ADAMTSL1: variants seen among roughly 807,000 people sequenced by gnomAD.
ADAMTSL1 encodes ADAMTS like 1.
Under a neutral mutation model 201.8 loss-of-function variants are expected in ADAMTSL1, and 126 were observed. The ratio of observed to expected loss-of-function variants is 0.62; its 90% confidence interval spans 0.54 to 0.72. ADAMTSL1 has a LOEUF of 0.72. ADAMTSL1 is among the 30% of genes least tolerant of loss of function. ADAMTSL1 has a pLI of 0.00. For synonymous variants in ADAMTSL1, 1,121 were observed against 903.4 expected, an observed-to-expected ratio of 1.24 and a Z score of -4.32; for missense variants, 2,679 against 2,277.8, an observed-to-expected ratio of 1.18 and a Z score of -3.59.
intron 16 of ADAMTSL1, among the ~76,000 whole-genome samples, chr9:18,763,837 G>T (rs938744741): frequency 4.6e-5 from 7 of 152,040 alleles, no homozygotes; most frequent in Non-Finnish European, 7.4e-5. Context: ...CTATTCCATT[G>T]GTCTATATGT....
intron 1 of ADAMTSL1, among the ~76,000 whole-genome samples, chr9:18,158,560 C>A (rs1372868619): frequency 1.3e-5 from 2 of 151,980 alleles, no homozygotes; most frequent in African/African-American, 2.4e-5. Context: ...AAAACAGGGA[C>A]CCTTGTTTAT....
At chr9:18,861,761 A>G (rs1056955082) in intron 23 of ADAMTSL1, among the ~76,000 whole-genome samples, 1 of 152,136 alleles carries the variant, frequency 6.6e-6, no homozygotes, top group African/African-American at 2.4e-5. Flanking sequence ...AAGGCCAGAC[A>G]TCACTTGCCA....
chr9:17,969,834 G>A (rs1818135999), intron 1 of ADAMTSL1, among the ~76,000 whole-genome samples: 1 of 151,902 alleles, frequency 6.6e-6, no homozygotes, highest in Non-Finnish European at 1.5e-5. Context: ...TTTTATAAAG[G>A]TAACAGTTAC....
intron 2 of ADAMTSL1, among the ~76,000 whole-genome samples, chr9:18,348,809 T>C (rs1239582889): frequency 2.0e-5 from 3 of 152,172 alleles, no homozygotes; most frequent in East Asian, 1.9e-4. Context: ...ATTTTTAATT[T>C]AACTGCCATA....
chr9:18,497,083 T>C lies in ADAMTSL1; in HGVS notation c.64-7746T>C, dbSNP rs549131724. On this transcript the variant is annotated intron_variant, in intron 1 of 28. Coordinates refer to ENST00000380548, the MANE Select transcript of ADAMTSL1 (RefSeq NM_001040272.6). ...CCTACATATTATTTTCCACTGGAGA[T>C]TGGTTTTCTAAGTATAGGAAAAAGA... Among the ~76,000 whole-genome samples the C allele has an allele frequency of 4.6e-5, 7 of 152,276 alleles. No individual in the cohort carries two copies. In the South Asian group the frequency reaches 1.0e-3, roughly 23 times the overall value.
chr9:18,627,334 G>GTTT (rs1260578162), intron 5 of ADAMTSL1, among the ~76,000 whole-genome samples: 1 of 152,038 alleles, frequency 6.6e-6, no homozygotes, highest in Non-Finnish European at 1.5e-5. Context: ...TTTCATACTT[G>GTTT]TTTTTATTTG....
At chr9:18,111,765 A>G (rs1236969851) in intron 1 of ADAMTSL1, among the ~76,000 whole-genome samples, 2 of 152,166 alleles carry the variant, frequency 1.3e-5, no homozygotes, top group African/African-American at 4.8e-5. Flanking sequence ...CACGGTTTTC[A>G]TAAAGCTATG....
intron 2 of ADAMTSL1, among the ~76,000 whole-genome samples, chr9:18,419,554 C>A (rs1245568775): frequency 6.6e-6 from 1 of 151,996 alleles, no homozygotes; most frequent in Non-Finnish European, 1.5e-5. Context: ...AGATACCATT[C>A]AACAGAGGAA....
At chr9:17,933,909 A>G (rs1177956762) in intron 1 of ADAMTSL1, among the ~76,000 whole-genome samples, 2 of 151,934 alleles carry the variant, frequency 1.3e-5, no homozygotes, top group Non-Finnish European at 2.9e-5. Flanking sequence ...TCAACACTCA[A>G]CCTCAAAGAT....
At position 18,770,749 on chromosome 9, in the gene ADAMTSL1, C is replaced by G. The variant is rs1365993926; in HGVS notation, c.2365C>G (p.Pro789Ala). The change falls in exon 17 of 29, where the codon CCC becomes GCC. Residue 789 changes from proline to alanine, a missense_variant. Transcript: ENST00000380548. The stretch of plus-strand genomic sequence containing the variant: ...GCAAGCATGCAAGAAAGATGACTGT[C>G]CCAGCGAGTGGCTTCTCTCAGACTG... ...CQQACKKDDC[P>A]SEWLLSDWTE... is the part of the protein sequence containing the mutation. 2.1e-5 allele frequency: 34 copies of G among 1,613,718 alleles called. No individual in the cohort carries two copies. Among genetic ancestry groups the G allele is most frequent in the Non-Finnish European group, 2.9e-5 (34 of 1,179,866 alleles).
intron 23 of ADAMTSL1, among the ~76,000 whole-genome samples, chr9:18,871,645 C>G (rs375069811): frequency 1.3e-5 from 2 of 152,184 alleles, no homozygotes; most frequent in African/African-American, 2.4e-5. Context: ...TTTCCATCCA[C>G]AGGGGTGGTG....
chr9:18,245,165 A>T (rs777255865), intron 2 of ADAMTSL1, among the ~76,000 whole-genome samples: 1 of 152,160 alleles, frequency 6.6e-6, no homozygotes, highest in South Asian at 2.1e-4. Context: ...AATCCAAAAC[A>T]TTACTAAGAG....
At chr9:17,982,062 C>T (rs113209822) in intron 1 of ADAMTSL1, among the ~76,000 whole-genome samples, 5 of 152,200 alleles carry the variant, frequency 3.3e-5, no homozygotes, top group Non-Finnish European at 7.3e-5. Context: ...ATAAATCACA[C>T]TACTTGCTTA....
At chr9:18,186,193 A>G in intron 2 of ADAMTSL1, among the ~76,000 whole-genome samples, 1 of 152,182 alleles carries the variant, frequency 6.6e-6, no homozygotes, top group East Asian at 1.9e-4. Flanking sequence ...GTTGTGGACC[A>G]TAGGCTGGTT....
intron 15 of ADAMTSL1, among the ~76,000 whole-genome samples, chr9:18,724,894 G>T (rs1326877286): frequency 7.4e-6 from 1 of 134,340 alleles, no homozygotes; most frequent in African/African-American, 2.7e-5. Context: ...AACATAAATA[G>T]CCTCAGGATT....
intron 2 of ADAMTSL1, among the ~76,000 whole-genome samples, chr9:18,436,748 G>A (rs1819751478): frequency 6.6e-6 from 1 of 152,074 alleles, no homozygotes; most frequent in Non-Finnish European, 1.5e-5. Flanking sequence ...TTAGTTTCCA[G>A]AACCACATCA....
At chr9:18,528,523 C>G (rs1311329254) in intron 2 of ADAMTSL1, among the ~76,000 whole-genome samples, 1 of 152,118 alleles carries the variant, frequency 6.6e-6, no homozygotes, top group Non-Finnish European at 1.5e-5. Flanking sequence ...CATGTCCCTG[C>G]AAGGGGCATG....
At chr9:18,846,440 A>G (rs1826118090) in intron 23 of ADAMTSL1, among the ~76,000 whole-genome samples, 1 of 152,126 alleles carries the variant, frequency 6.6e-6, no homozygotes, top group African/African-American at 2.4e-5. Flanking sequence ...AAAGAATGAA[A>G]ATAGAAAACC....
intron 23 of ADAMTSL1, among the ~76,000 whole-genome samples, chr9:18,880,429 T>C (rs1828453599): frequency 6.6e-6 from 1 of 152,240 alleles, no homozygotes. Context: ...GGCTGCAGAA[T>C]GGATGTTATG....
Sources: allele counts gnomAD v4.1 joint callset (sites outside exome capture counted in the v4.1 genomes callset), GRCh38; gene constraint gnomAD v4.1.1; transcripts MANE v1.5; gene names NCBI Gene and HGNC (gene_info 2026-07-23, HGNC 2026-07-21).